The following PTPRD variants were observed in gnomAD, a reference collection of about 807,000 sequenced individuals.
PTPRD encodes the protein receptor-type tyrosine-protein phosphatase delta.
Under a neutral mutation model 214.5 loss-of-function variants are expected in PTPRD, and 34 were observed. The ratio of observed to expected loss-of-function variants is 0.16; its 90% CI spans 0.12 to 0.21. PTPRD has a LOEUF of 0.21. PTPRD is among the 10% of genes least tolerant of loss of function. PTPRD has a pLI of 1.00. For missense variants in PTPRD, 2,545 were observed against 2,398.7 expected (o/e 1.06, Z -1.27); for synonymous variants, 1,128 against 845.7 (o/e 1.33, Z -5.79).
At chr9:8,400,036 G>T (rs1290672370) in intron 36 of PTPRD, among the ~76,000 whole-genome samples, 15 of 147,004 alleles carry the variant, frequency 1.0e-4, no homozygotes, top group South Asian at 2.1e-4. Flanking sequence ...TCTTGTCTTT[G>T]TTGTTGAATT....
chr9:8,623,887 C>A (rs1239764208), intron 14 of PTPRD, among the ~76,000 whole-genome samples: 1 of 151,668 alleles, frequency 6.6e-6, no homozygotes, highest in Non-Finnish European at 1.5e-5. Context: ...CAGAAATAAT[C>A]AAAAAAACAA....
intron 34 of PTPRD, among the ~76,000 whole-genome samples, chr9:8,446,851 G>T (rs1023480450): frequency 6.6e-6 from 1 of 152,100 alleles, no homozygotes; most frequent in Non-Finnish European, 1.5e-5. Flanking sequence ...AAGAGGAGAA[G>T]AACAACCACA....
rs1555264178 is a variant in PTPRD, at chr9:8,748,545, AAG to A, written c.-103-14601_-103-14600del. ...TGCAAAAAAAAAAAAAAAAAAGAAA[AAG>A]AAAAAGAAAAAGAAAATGCGCTTAC... On this transcript the variant is annotated intron_variant, in intron 11 of 45. Transcript: ENST00000381196. Among the ~76,000 whole-genome samples, 314 of 132,960 alleles carry A rather than the reference AAG, an allele frequency of 2.4e-3. 2 individuals carry two copies. Among genetic ancestry groups the A allele is most frequent in the African/African-American group, 0.011 (299 of 26,650 alleles). 87.2% of individuals were successfully genotyped at this position (132,960 alleles called of 152,430 possible). A position where few individuals can be genotyped will look rare whatever the true frequency, so the allele number is the denominator to read the frequency against.
chr9:9,262,095 G>T (rs1376875130), intron 9 of PTPRD, among the ~76,000 whole-genome samples: 2 of 151,510 alleles, frequency 1.3e-5, no homozygotes, highest in East Asian at 2.0e-4. Context: ...ATATACTGGG[G>T]TGTCCCACAG....
chr9:9,879,077 A>G (rs909169753), intron 5 of PTPRD, among the ~76,000 whole-genome samples: 9 of 152,200 alleles, frequency 5.9e-5, no homozygotes, highest in Admixed American at 5.2e-4. Flanking sequence ...TTATAATTCT[A>G]TGTTGACTAT....
At chr9:8,850,531 T>C (rs1209311946) in intron 11 of PTPRD, among the ~76,000 whole-genome samples, 3 of 152,052 alleles carry the variant, frequency 2.0e-5, no homozygotes, top group Non-Finnish European at 4.4e-5. Flanking sequence ...TAGAAAAACA[T>C]AGTTGCCTCT....
intron 7 of PTPRD, among the ~76,000 whole-genome samples, chr9:9,676,953 G>A (rs936069415): frequency 6.6e-5 from 10 of 152,138 alleles, no homozygotes; most frequent in East Asian, 1.9e-4. Context: ...CATATCCTTC[G>A]CCCACTTGTT....
intron 5 of PTPRD, among the ~76,000 whole-genome samples, chr9:9,797,741 G>GA (rs2099012520): frequency 1.4e-5 from 2 of 147,664 alleles, no homozygotes; most frequent in Non-Finnish European, 3.1e-5. Flanking sequence ...AGCTACTCGG[G>GA]GGGGGCTGAG....
rs2135969583 is a variant in PTPRD at position 8,486,258 on chromosome 9, A to T, written c.2559T>A (p.Leu853=). The T allele has an allele frequency of 6.2e-7, 1 of 1,614,188 alleles. No individual in the cohort carries two copies. Among genetic ancestry groups the T allele is most frequent in the African/African-American group, 1.3e-5 (1 of 75,052 alleles). ...GGCCAAATTTTAGACGGTAGCCCTG[A>T]AGAGGTCCAAATGTGTCCACCGGAG... ...WHPPVDTFGP[L]QGYRLKFGRK... is the part of the protein sequence containing the mutation. The change falls in exon 28 of 46, where the codon CTT becomes CTA. Residue 853 remains leucine (L), a synonymous_variant. Transcript: ENST00000381196.
chr9:10,171,365 T>C (rs545365381), intron 3 of PTPRD, among the ~76,000 whole-genome samples: 1 of 152,194 alleles, frequency 6.6e-6, no homozygotes, highest in East Asian at 1.9e-4. Flanking sequence ...GATGGTTTTA[T>C]AAGGAGAAAC....
chr9:8,521,563 G>C lies in PTPRD; in HGVS notation c.692-17C>G, dbSNP rs766191884. On this transcript the variant is annotated splice_polypyrimidine_tract_variant and intron_variant, in intron 19 of 45. Transcript: ENST00000381196. ...CACGGCGAACTGGAACAAAACACAAGGGAAATGATAACATATACAAGGCAA... is the reference window on the plus strand; with the variant it reads ...CACGGCGAACTGGAACAAAACACAACGGAAATGATAACATATACAAGGCAA... 18 of 1,610,020 alleles carry C rather than the reference G, an allele frequency of 1.1e-5. No homozygotes were observed. The South Asian group carries it at 2.0e-4, about 18-fold the overall frequency.
chr9:9,355,983 TC>T (rs1265962797), intron 9 of PTPRD, among the ~76,000 whole-genome samples: 2 of 151,432 alleles, frequency 1.3e-5, no homozygotes, highest in East Asian at 3.9e-4. Context: ...ACAAAATGGG[TC>T]CAGAGACTAG....
chr9:9,999,780 T>C (rs2096263630), intron 4 of PTPRD, among the ~76,000 whole-genome samples: 1 of 152,152 alleles, frequency 6.6e-6, no homozygotes, highest in Admixed American at 6.5e-5. Flanking sequence ...GGAGTAATAG[T>C]TTTTACTATC....
Position 8,497,458 on chromosome 9 carries a change from C to T in PTPRD, c.2323-190G>A, listed in dbSNP as rs180928290. On this transcript the variant is annotated intron_variant, in intron 25 of 45. Transcript: ENST00000381196. ...CTGATTGGGAAGTCAAATTAAATAT[C>T]CTTTGTTACTGTTATCACTAAAACC... is the stretch of plus-strand genomic sequence containing the variant. 1.6e-4 allele frequency among the ~76,000 whole-genome samples: 24 copies of T among 152,272 alleles called. No individual in the cohort carries two copies. In the East Asian group the frequency reaches 4.1e-3, roughly 26 times the overall value.
chr9:8,736,745 G>A (rs1304482960), intron 11 of PTPRD, among the ~76,000 whole-genome samples: 2 of 151,530 alleles, frequency 1.3e-5, no homozygotes, highest in Admixed American at 1.3e-4. Flanking sequence ...AGAAGCAAGT[G>A]GTACAGTGGA....
intron 5 of PTPRD, among the ~76,000 whole-genome samples, chr9:9,932,254 A>C (rs1303304774): frequency 6.6e-6 from 1 of 150,820 alleles, no homozygotes; most frequent in East Asian, 1.9e-4. Flanking sequence ...TGAGAGAAGA[A>C]GGCTTCAGAC....
At chr9:9,172,661 A>G (rs2099922191) in intron 10 of PTPRD, among the ~76,000 whole-genome samples, 1 of 152,088 alleles carries the variant, frequency 6.6e-6, no homozygotes, top group South Asian at 2.1e-4. Context: ...TATAGATGGC[A>G]CTTGGTTTTT....
chr9:9,560,761 G>A (rs1329390021), intron 8 of PTPRD, among the ~76,000 whole-genome samples: 4 of 152,094 alleles, frequency 2.6e-5, no homozygotes, highest in Non-Finnish European at 5.9e-5. Context: ...TTCAGCAGCA[G>A]CTCTCTTACA....
intron 3 of PTPRD, among the ~76,000 whole-genome samples, chr9:10,144,682 A>G (rs2099010227): frequency 6.6e-6 from 1 of 152,116 alleles, no homozygotes; most frequent in African/African-American, 2.4e-5. Context: ...TTTGATTTGT[A>G]AAGACATGGG....
Sources: gnomAD v4.1 joint callset for allele counts (sites outside exome capture counted in the v4.1 genomes callset) on GRCh38, gnomAD v4.1.1 for gene constraint, MANE v1.5 for transcripts, NCBI Gene and HGNC (gene_info 2026-07-23, HGNC 2026-07-21) for gene names.